PARD3: variants seen among roughly 807,000 people sequenced by gnomAD.
The protein encoded by PARD3 is par-3 family cell polarity regulator.
PARD3 carries 75 observed loss-of-function variants against 155.4 expected under a neutral mutation model. The observed-to-expected ratio is 0.48, with a 90% CI of 0.40 to 0.58. The LOEUF (loss-of-function observed/expected upper bound fraction) is 0.58, where lower values mean the gene tolerates loss of function less well. PARD3 is among the 20% of genes least tolerant of loss of function. The pLI is 0.00. For missense variants in PARD3, 1,642 were observed against 1,721.7 expected, an observed-to-expected ratio of 0.95 and a Z score of 0.82; for synonymous variants, 576 against 610.5, an observed-to-expected ratio of 0.94 and a Z score of 0.83.
intron 3 of PARD3, among the ~76,000 whole-genome samples, chr10:34,478,300 A>G (rs1191133734): frequency 6.6e-6 from 1 of 152,234 alleles, no homozygotes; most frequent in East Asian, 1.9e-4. Context: ...CTATACTCCA[A>G]GAAGACCCAG....
intron 3 of PARD3, among the ~76,000 whole-genome samples, chr10:34,498,612 A>G (rs1287143656): frequency 6.6e-6 from 1 of 152,126 alleles, no homozygotes; most frequent in African/African-American, 2.4e-5. Flanking sequence ...CCCTGTCTCT[A>G]CTAAAAATAC....
chr10:34,674,105 G>A (rs1020808981), intron 2 of PARD3, among the ~76,000 whole-genome samples: 1 of 151,018 alleles, frequency 6.6e-6, no homozygotes, highest in African/African-American at 2.4e-5. Context: ...AATATTTTTT[G>A]ATGAACAGTT....
intron 7 of PARD3, among the ~76,000 whole-genome samples, chr10:34,385,289 A>G (rs962822572): frequency 3.9e-5 from 6 of 152,026 alleles, no homozygotes; most frequent in Admixed American, 1.3e-4. Flanking sequence ...ATGCGCCACC[A>G]TGCCCAGCTA....
At chr10:34,765,102 A>C (rs1641857704) in intron 1 of PARD3, among the ~76,000 whole-genome samples, 1 of 152,152 alleles carries the variant, frequency 6.6e-6, no homozygotes, top group Non-Finnish European at 1.5e-5. Flanking sequence ...TATTGAGAGA[A>C]AGACACACCT....
chr10:34,183,245 T>G (rs1950343254), intron 22 of PARD3, among the ~76,000 whole-genome samples: 1 of 152,230 alleles, frequency 6.6e-6, no homozygotes, highest in South Asian at 2.1e-4. Flanking sequence ...CATATCTTTT[T>G]GAGACAGGGT....
intron 23 of PARD3, among the ~76,000 whole-genome samples, chr10:34,126,777 A>G (rs974073318): frequency 2.0e-5 from 3 of 151,766 alleles, no homozygotes; most frequent in African/African-American, 7.3e-5. Flanking sequence ...GCTCATTTAC[A>G]TGATCAGTAA....
intron 2 of PARD3, among the ~76,000 whole-genome samples, chr10:34,553,668 C>T (rs2084770752): frequency 6.6e-6 from 1 of 152,088 alleles, no homozygotes; most frequent in African/African-American, 2.4e-5. Context: ...AAAAAGCAAG[C>T]GTGAGATACA....
At chr10:34,734,560 G>A (rs184529919) in intron 1 of PARD3, among the ~76,000 whole-genome samples, 2,588 of 151,894 alleles carry the variant, frequency 0.017, 67 homozygotes, top group African/African-American at 0.052. Flanking sequence ...GTATGGTCTC[G>A]ATCTCCTGAC....
At chr10:34,681,035 C>T (rs769896911) in intron 2 of PARD3, among the ~76,000 whole-genome samples, 15 of 150,462 alleles carry the variant, frequency 1.0e-4, no homozygotes, top group Non-Finnish European at 1.2e-4. Context: ...CAGAAATATA[C>T]AGCTGGTGAA....
Position 34,409,874 on chromosome 10 carries a change from T to A in PARD3, c.715-7957A>T, listed in dbSNP as rs77424513. Among the ~76,000 whole-genome samples, 8 of 152,190 alleles carry A rather than the reference T, an allele frequency of 5.3e-5. No homozygotes were observed. The South Asian group carries it at 1.7e-3, about 32-fold the overall frequency. On this transcript the variant is annotated intron_variant, in intron 5 of 24. Transcript: ENST00000374788. ...TAAACAAATACAATAATTTAAAGTA[T>A]TAAACATGTTATATTTGATATGGCA...
chr10:34,359,242 C>T lies in PARD3; in HGVS notation c.1972G>A (p.Ala658Thr), dbSNP rs1029796886. The change falls in exon 14 of 25, where the codon GCC (alanine) becomes ACC (threonine). Residue 658 changes from alanine to threonine, a missense_variant. Coordinates refer to ENST00000374788, the MANE Select transcript of PARD3 (RefSeq NM_001184785.2). The stretch of plus-strand genomic sequence containing the variant: ...ATAGACCTTCTTAGGGTTTCCATGG[C>T]ATCTTGGTTTGTCTTGCCCAACAGG... ...ESLLGKTNQD[A>T]METLRRSMST... 1 of 1,613,658 alleles carries T rather than the reference C, an allele frequency of 6.2e-7. No individual in the cohort carries two copies. Among genetic ancestry groups the T allele is most frequent in the Non-Finnish European group, 8.5e-7 (1 of 1,179,636 alleles).
At chr10:34,606,157 TGTGTGTG>T (rs2090407315) in intron 2 of PARD3, among the ~76,000 whole-genome samples, 2 of 710 alleles carry the variant, frequency 2.8e-3, no homozygotes, top group African/African-American at 0.019. Flanking sequence ...TAAAGGGAAA[TGTGTGTG>T]TGTGTGTGTG....
At chr10:34,112,596 C>T (rs1165741438) in intron 24 of PARD3, among the ~76,000 whole-genome samples, 2 of 152,040 alleles carry the variant, frequency 1.3e-5, no homozygotes, top group East Asian at 1.9e-4. Flanking sequence ...AATCATTTGG[C>T]GACAGTATGT....
At chr10:34,432,059 A>AAAAAAG (rs1160757018) in intron 5 of PARD3, among the ~76,000 whole-genome samples, 3 of 147,838 alleles carry the variant, frequency 2.0e-5, no homozygotes, top group Non-Finnish European at 4.5e-5. Context: ...AAAAAAAAAA[A>AAAAAAG]AAAAAAAAAA....
intron 14 of PARD3, among the ~76,000 whole-genome samples, chr10:34,356,478 C>A (rs1159765095): frequency 2.0e-5 from 3 of 152,212 alleles, no homozygotes; most frequent in Admixed American, 6.5e-5. Context: ...CACATTCTTA[C>A]CTTCCCTAAC....
chr10:34,764,658 TAA>T (rs796522825), intron 1 of PARD3, among the ~76,000 whole-genome samples: 1 of 146,058 alleles, frequency 6.8e-6, no homozygotes. Context: ...GAAACATTAC[TAA>T]AAAAAAAAAT....
At chr10:34,347,503 T>C (rs762646799) in intron 15 of PARD3, among the ~76,000 whole-genome samples, 2 of 152,242 alleles carry the variant, frequency 1.3e-5, no homozygotes, top group Non-Finnish European at 2.9e-5. Context: ...ACAAACCAGA[T>C]ACATGTGAAT....
intron 1 of PARD3, among the ~76,000 whole-genome samples, chr10:34,736,621 A>G (rs2094918003): frequency 2.0e-5 from 3 of 151,722 alleles, no homozygotes; most frequent in Admixed American, 6.6e-5. Flanking sequence ...TTATTTCAAA[A>G]TGTTGGAAAT....
At chr10:34,412,958 G>GT (rs1207321743) in intron 5 of PARD3, among the ~76,000 whole-genome samples, 2 of 152,050 alleles carry the variant, frequency 1.3e-5, no homozygotes, top group African/African-American at 4.8e-5. Context: ...TGAAATATTT[G>GT]TTGAGGTCAC....
Sources: allele counts gnomAD v4.1 joint callset (sites outside exome capture counted in the v4.1 genomes callset), GRCh38; gene constraint gnomAD v4.1.1; transcripts MANE v1.5; gene names NCBI Gene and HGNC (gene_info 2026-07-23, HGNC 2026-07-21).